The following MEMO1 variants were observed in gnomAD, a reference collection of about 807,000 sequenced individuals.
MEMO1 encodes the protein protein MEMO1.
A neutral mutation model predicts 45.2 loss-of-function variants in MEMO1; 6 were observed. The ratio of observed to expected loss-of-function variants is 0.13; its 90% confidence interval spans 0.07 to 0.26. MEMO1 has a LOEUF of 0.26. Ranked by LOEUF, MEMO1 falls within the 10% of genes least tolerant of loss-of-function variation. MEMO1 has a pLI of 1.00. For missense variants in MEMO1, 184 were observed against 370.5 expected, an observed-to-expected ratio of 0.50 and a Z score of 4.13; for synonymous variants, 78 against 124.3, an observed-to-expected ratio of 0.63 and a Z score of 2.48.
intron 2 of MEMO1, among the ~76,000 whole-genome samples, chr2:31,974,865 A>G (rs540662330): frequency 6.6e-6 from 1 of 152,248 alleles, no homozygotes; most frequent in African/African-American, 2.4e-5. Flanking sequence ...TAAGAGGAAT[A>G]CCATGAAAAT....
At chr2:31,959,590 T>C (rs899817911) in intron 2 of MEMO1, among the ~76,000 whole-genome samples, 1 of 151,748 alleles carries the variant, frequency 6.6e-6, no homozygotes, top group African/African-American at 2.4e-5. Context: ...CAGGTAAAAG[T>C]TGCATTTACA....
chr2:31,900,108 G>A (rs1255134012), intron 6 of MEMO1, among the ~76,000 whole-genome samples: 5 of 152,320 alleles, frequency 3.3e-5, no homozygotes, highest in East Asian at 1.9e-4. Flanking sequence ...CAACCATTGC[G>A]GAAGACAGTG....
intron 2 of MEMO1, among the ~76,000 whole-genome samples, chr2:32,002,204 T>C (rs188332890): frequency 0.031 from 3,826 of 124,342 alleles, 150 homozygotes; most frequent in Admixed American, 0.1. Context: ...CACACACACA[T>C]GTATATACGT....
intron 2 of MEMO1, among the ~76,000 whole-genome samples, chr2:32,003,782 T>C (rs1034248570): frequency 1.3e-5 from 2 of 152,214 alleles, no homozygotes; most frequent in African/African-American, 4.8e-5. Flanking sequence ...CCAGGCATGA[T>C]AGCTTATGCC....
chr2:31,893,396 T>G (rs1413850430), intron 6 of MEMO1: 1 of 1,065,162 alleles, frequency 9.4e-7, no homozygotes, highest in Non-Finnish European at 1.2e-6. Context: ...TGTTACCAGT[T>G]TGCTAAATAA....
At chr2:31,992,707 C>A (rs1672094080) in intron 2 of MEMO1, among the ~76,000 whole-genome samples, 1 of 152,006 alleles carries the variant, frequency 6.6e-6, no homozygotes. Flanking sequence ...TCACTCGAAC[C>A]CAGGAGATGG....
intron 2 of MEMO1, among the ~76,000 whole-genome samples, chr2:31,985,533 C>T (rs1323075559): frequency 6.6e-6 from 1 of 152,086 alleles, no homozygotes; most frequent in Non-Finnish European, 1.5e-5. Context: ...ACCATGTTGG[C>T]CAAGTTGGTC....
At chr2:32,009,712 G>T (rs1004378481) in intron 2 of MEMO1, among the ~76,000 whole-genome samples, 1 of 152,180 alleles carries the variant, frequency 6.6e-6, no homozygotes, top group African/African-American at 2.4e-5. Flanking sequence ...GAGAGGAAAG[G>T]AAAGGGTCCC....
intron 6 of MEMO1, among the ~76,000 whole-genome samples, chr2:31,896,777 G>A (rs911909515): frequency 6.6e-6 from 1 of 152,100 alleles, no homozygotes; most frequent in African/African-American, 2.4e-5. Flanking sequence ...TAAGGAATTT[G>A]TCTCCATAAA....
At chr2:31,944,386 G>C (rs552019670) in intron 2 of MEMO1, among the ~76,000 whole-genome samples, 1 of 152,174 alleles carries the variant, frequency 6.6e-6, no homozygotes, top group South Asian at 2.1e-4. Context: ...ATTTTGTCAA[G>C]GAAAAACAAT....
intron 4 of MEMO1, among the ~76,000 whole-genome samples, chr2:31,926,179 C>T (rs1410458862): frequency 6.6e-6 from 1 of 151,910 alleles, no homozygotes; most frequent in Admixed American, 6.6e-5. Context: ...CCAGCCTGAG[C>T]AACATAGTGA....
Position 31,951,044 on chromosome 2 carries a change from A to T in MEMO1, c.62-7661T>A, listed in dbSNP as rs539861379. 2.5e-4 allele frequency among the ~76,000 whole-genome samples: 38 copies of T among 152,320 alleles called. 1 individual carries two copies. The South Asian group carries it at 7.7e-3, about 31-fold the overall frequency. ...TGCTGACATATATCGCCCAAGTCTC[A>T]ATGCAGTCCCTTTCCTGATCTTACC... is the stretch of plus-strand genomic sequence containing the variant. On this transcript the variant is annotated intron_variant, in intron 2 of 9. Transcript: ENST00000404530.
intron 2 of MEMO1, among the ~76,000 whole-genome samples, chr2:31,947,090 C>T (rs1008470399): frequency 6.6e-6 from 1 of 152,056 alleles, no homozygotes; most frequent in East Asian, 1.9e-4. Flanking sequence ...CACCATTTCT[C>T]GAGTGCATCC....
chr2:31,947,067 G>A (rs907074782), intron 2 of MEMO1, among the ~76,000 whole-genome samples: 10 of 152,040 alleles, frequency 6.6e-5, no homozygotes, highest in African/African-American at 2.2e-4. Context: ...AGACAACAAC[G>A]AAATGGCCTA....
chr2:31,995,135 T>C (rs1323930557), intron 2 of MEMO1, among the ~76,000 whole-genome samples: 1 of 151,528 alleles, frequency 6.6e-6, no homozygotes, highest in Non-Finnish European at 1.5e-5. Context: ...TGCCCAAAAA[T>C]CTAAATGACA....
intron 8 of MEMO1, among the ~76,000 whole-genome samples, chr2:31,877,176 A>G (rs1255947140): frequency 6.6e-6 from 1 of 152,262 alleles, no homozygotes; most frequent in Non-Finnish European, 1.5e-5. Flanking sequence ...GGAAATGGAC[A>G]AAGTCCCTGT....
chr2:31,968,222 C>G (rs1417814853), intron 2 of MEMO1, among the ~76,000 whole-genome samples: 1 of 152,150 alleles, frequency 6.6e-6, no homozygotes, highest in Non-Finnish European at 1.5e-5. Flanking sequence ...TCTGTCTGAG[C>G]CAGTTTCCTC....
intron 8 of MEMO1, among the ~76,000 whole-genome samples, chr2:31,881,790 C>A (rs1270872353): frequency 1.3e-5 from 2 of 151,976 alleles, no homozygotes. Context: ...TTGCTTGAAG[C>A]CAAGTGTTCA....
chr2:31,996,207 GGAGA>G (rs1558564839), intron 2 of MEMO1, among the ~76,000 whole-genome samples: 1 of 149,942 alleles, frequency 6.7e-6, no homozygotes, highest in Non-Finnish European at 1.5e-5. Context: ...AGACAGAGGG[GGAGA>G]GAGAGAGAAA....
Sources: gnomAD v4.1 joint callset for allele counts (sites outside exome capture counted in the v4.1 genomes callset) on GRCh38, gnomAD v4.1.1 for gene constraint, MANE v1.5 for transcripts, NCBI Gene and HGNC (gene_info 2026-07-23, HGNC 2026-07-21) for gene names.